CNTN5: variants seen among roughly 807,000 people sequenced by gnomAD.
The protein encoded by CNTN5 is contactin 5, also known as contactin-5.
Under a neutral mutation model 129.1 loss-of-function variants are expected in CNTN5, and 77 were observed. That is an observed-to-expected ratio of 0.60 (90% CI 0.50 to 0.72). The LOEUF is 0.72. Among genes scored for constraint, CNTN5 ranks in the 30% least tolerant of loss-of-function variants. The probability of loss-of-function intolerance (pLI) is 0.00; values close to 1 mark genes in which losing one functional copy is unlikely to be tolerated. For missense variants in CNTN5, 1,478 were observed against 1,328.8 expected, an observed-to-expected ratio of 1.11 and a Z score of -1.75; for synonymous variants, 509 against 465.6, an observed-to-expected ratio of 1.09 and a Z score of -1.20.
At chr11:99,795,588 C>CTTTTTTTT (rs35521565) in intron 3 of CNTN5, among the ~76,000 whole-genome samples, 1 of 143,192 alleles carries the variant, frequency 7.0e-6, no homozygotes, top group Non-Finnish European at 1.5e-5. Context: ...TCCTTTAGAT[C>CTTTTTTTT]TTTTTTTTTT....
intron 1 of CNTN5, among the ~76,000 whole-genome samples, chr11:99,306,267 T>C (rs756820572): frequency 2.4e-4 from 37 of 152,194 alleles, no homozygotes; most frequent in Admixed American, 5.2e-4. Flanking sequence ...TTATTATCTC[T>C]GGACATTGGG....
intron 20 of CNTN5, 133 bp downstream of exon 20, chr11:100,299,529 T>C: frequency 3.6e-6 from 2 of 553,322 alleles, no homozygotes; most frequent in Non-Finnish European, 5.9e-6. Flanking sequence ...CTAAACTTTT[T>C]GGATATATAT....
intron 1 of CNTN5, among the ~76,000 whole-genome samples, chr11:99,285,835 C>T (rs865819400): frequency 2.6e-5 from 4 of 151,870 alleles, no homozygotes; most frequent in South Asian, 2.1e-4. Flanking sequence ...TTCAGGACTT[C>T]GAGACCAGCC....
At chr11:99,823,494 G>C (rs1426138007) in intron 4 of CNTN5, among the ~76,000 whole-genome samples, 2 of 151,528 alleles carry the variant, frequency 1.3e-5, no homozygotes, top group Non-Finnish European at 2.9e-5. Flanking sequence ...TATATAAACA[G>C]ATGCTACAGA....
intron 3 of CNTN5, among the ~76,000 whole-genome samples, chr11:99,591,752 G>C (rs1269258912): frequency 6.6e-6 from 1 of 152,098 alleles, no homozygotes; most frequent in Non-Finnish European, 1.5e-5. Context: ...TTGAGATACA[G>C]GTGTCCTGAA....
intron 6 of CNTN5, among the ~76,000 whole-genome samples, chr11:99,872,890 C>G (rs1034235106): frequency 6.6e-6 from 1 of 152,020 alleles, no homozygotes; most frequent in African/African-American, 2.4e-5. Flanking sequence ...CATAAATCAT[C>G]TAAAAAATAA....
At chr11:99,621,334 T>C (rs1046642698) in intron 3 of CNTN5, among the ~76,000 whole-genome samples, 2 of 152,140 alleles carry the variant, frequency 1.3e-5, no homozygotes, top group Admixed American at 6.5e-5. Flanking sequence ...AAAAAACAAA[T>C]AAGCAAAACC....
At chr11:99,854,475 C>G (rs182972347) in intron 6 of CNTN5, among the ~76,000 whole-genome samples, 1 of 152,234 alleles carries the variant, frequency 6.6e-6, no homozygotes, top group African/African-American at 2.4e-5. Context: ...TGAATTCTCC[C>G]TCTGTGGGAG....
At chr11:99,602,652 T>TAA (rs915573276) in intron 3 of CNTN5, among the ~76,000 whole-genome samples, 16 of 144,542 alleles carry the variant, frequency 1.1e-4, no homozygotes, top group African/African-American at 4.1e-4. Context: ...TTGTGCAATG[T>TAA]AAAAAAAAAA....
intron 2 of CNTN5, among the ~76,000 whole-genome samples, chr11:99,452,959 G>A (rs1043159775): frequency 6.6e-6 from 1 of 152,092 alleles, no homozygotes; most frequent in Non-Finnish European, 1.5e-5. Flanking sequence ...ACAAAAATAA[G>A]AAATATCATA....
At chr11:99,625,900 TTATATATA>T (rs140396628) in intron 3 of CNTN5, among the ~76,000 whole-genome samples, 50 of 146,400 alleles carry the variant, frequency 3.4e-4, no homozygotes, top group East Asian at 1.2e-3. Context: ...AAGGGCAAGA[TTATATATA>T]TATATATATA....
chr11:99,377,090 G>A (rs762183547), intron 2 of CNTN5, among the ~76,000 whole-genome samples: 5 of 152,006 alleles, frequency 3.3e-5, no homozygotes, highest in Admixed American at 1.3e-4. Context: ...GTCAGGAAGC[G>A]GGTCAATTAT....
At chr11:99,142,214 T>C (rs1207719777) in intron 1 of CNTN5, among the ~76,000 whole-genome samples, 1 of 152,148 alleles carries the variant, frequency 6.6e-6, no homozygotes, top group Non-Finnish European at 1.5e-5. Flanking sequence ...CTCAGTCCCC[T>C]GGCAACAATA....
intron 13 of CNTN5, among the ~76,000 whole-genome samples, chr11:100,082,151 A>C (rs1944390542): frequency 6.6e-6 from 1 of 152,196 alleles, no homozygotes; most frequent in African/African-American, 2.4e-5. Flanking sequence ...AAATAAGTTA[A>C]TAAATATCAG....
At chr11:99,404,043 G>A (rs551566936) in intron 2 of CNTN5, among the ~76,000 whole-genome samples, 237 of 151,918 alleles carry the variant, frequency 1.6e-3, no homozygotes, top group Middle Eastern at 6.8e-3. Context: ...CTCTAGTATC[G>A]GGTGCATATA....
intron 7 of CNTN5, among the ~76,000 whole-genome samples, chr11:99,953,207 C>T (rs1272188347): frequency 6.6e-6 from 1 of 152,090 alleles, no homozygotes; most frequent in African/African-American, 2.4e-5. Context: ...GCATCATTGT[C>T]CACATGTGTA....
At chr11:99,342,671 G>A (rs1352265822) in intron 2 of CNTN5, among the ~76,000 whole-genome samples, 2 of 150,284 alleles carry the variant, frequency 1.3e-5, no homozygotes, top group African/African-American at 4.9e-5. Context: ...CCAGGAGATG[G>A]AGGTTGTGGT....
At chr11:99,171,861 C>G (rs1163093902) in intron 1 of CNTN5, among the ~76,000 whole-genome samples, 1 of 152,004 alleles carries the variant, frequency 6.6e-6, no homozygotes, top group African/African-American at 2.4e-5. Context: ...TTTCAGAATA[C>G]TTTGAGGATT....
chr11:100,246,558 A>T lies in CNTN5; in HGVS notation c.2006-9202A>T, dbSNP rs73563707. Among the ~76,000 whole-genome samples the T allele has an allele frequency of 3.6e-3, 541 of 152,274 alleles. 4 individuals are homozygous for T. Among genetic ancestry groups the T allele is most frequent in the African/African-American group, 0.012 (518 of 41,562 alleles). On this transcript the variant is annotated intron_variant, in intron 16 of 24. Transcript: ENST00000524871. ...ACATTCTTTTTTTAAAACATACCAG[A>T]AATTCTGTTGCTCATCACAGTTTGA...
Sources: gnomAD v4.1 joint callset for allele counts (sites outside exome capture counted in the v4.1 genomes callset) on GRCh38, gnomAD v4.1.1 for gene constraint, MANE v1.5 for transcripts, NCBI Gene and HGNC (gene_info 2026-07-23, HGNC 2026-07-21) for gene names.